The following PITPNC1 variants were observed in gnomAD, a reference collection of about 807,000 sequenced individuals.
The protein encoded by PITPNC1 is cytoplasmic phosphatidylinositol transfer protein 1.
PITPNC1 carries 18 observed loss-of-function variants against 44.7 expected under a neutral mutation model. That is an observed-to-expected ratio of 0.40 (90% confidence interval 0.28 to 0.60). The LOEUF is 0.60. PITPNC1 is among the 20% of genes least tolerant of loss of function. The probability of loss-of-function intolerance (pLI) is 0.39; values close to 1 mark genes in which losing one functional copy is unlikely to be tolerated. For missense variants in PITPNC1, 290 were observed against 418.4 expected (o/e 0.69, Z 2.68); for synonymous variants, 141 against 149.6 (o/e 0.94, Z 0.42).
At chr17:67,506,398 A>G (rs1344823434) in intron 1 of PITPNC1, among the ~76,000 whole-genome samples, 2 of 152,190 alleles carry the variant, frequency 1.3e-5, no homozygotes, top group Non-Finnish European at 2.9e-5. Flanking sequence ...TGCCCTAATC[A>G]TGAATTTCAG....
intron 1 of PITPNC1, chr17:67,379,061 C>T (rs1775027678): frequency 1.0e-6 from 1 of 985,604 alleles, no homozygotes; most frequent in Admixed American, 6.1e-5. Context: ...ATTATTCCGG[C>T]CCCGGCTTCC....
intron 5 of PITPNC1, among the ~76,000 whole-genome samples, chr17:67,622,514 CTT>C (rs1254933576): frequency 2.4e-4 from 28 of 118,930 alleles, no homozygotes; most frequent in Admixed American, 2.7e-4. Context: ...GTAGCCTGGA[CTT>C]TTTTTTTTTT....
In PITPNC1 at chr17:67,669,723, T is replaced by C. The variant is rs76225882; in HGVS notation, c.618+60T>C. The C allele has an allele frequency of 3.5e-3, 4,245 of 1,215,670 alleles. 116 individuals carry two copies. The African/African-American group carries it at 0.057, about 16-fold the overall frequency. The allele number at this position is 1,215,670 out of a possible 1,614,324, so 75.3% of individuals were successfully genotyped here. ...CAAGGTAACTGTCTATATTGCCAAATTGGAGTCCATGATACACAACAGGTG... is the reference window on the plus strand; with the variant it reads ...CAAGGTAACTGTCTATATTGCCAAACTGGAGTCCATGATACACAACAGGTG... On this transcript the variant is annotated intron_variant, in intron 7 of 8. Transcript: ENST00000581322.
At chr17:67,492,261 A>G (rs902795529) in intron 1 of PITPNC1, among the ~76,000 whole-genome samples, 3 of 152,156 alleles carry the variant, frequency 2.0e-5, no homozygotes, top group East Asian at 1.9e-4. Flanking sequence ...ACATAATTCA[A>G]TCAAGGATCT....
chr17:67,561,398 A>G (rs1022715931), intron 4 of PITPNC1, among the ~76,000 whole-genome samples: 6 of 151,960 alleles, frequency 3.9e-5, no homozygotes, highest in Non-Finnish European at 5.9e-5. Flanking sequence ...GGAGGTTGCA[A>G]TGAGCCGATA....
rs576346535 is a variant in PITPNC1, at chr17:67,462,183, C to CT, written c.49-70608dup. Among the ~76,000 whole-genome samples the CT allele has an allele frequency of 2.9e-3, 384 of 134,352 alleles. 2 individuals carry two copies. Among genetic ancestry groups the CT allele is most frequent in the African/African-American group, 4.6e-3 (167 of 36,550 alleles). 88.1% of individuals were successfully genotyped at this position (134,352 alleles called of 152,430 possible). The stretch of plus-strand genomic sequence containing the variant: ...TTGGGAGGAATGAACTTGCCTACAC[C>CT]TTTTTTTTTTTCTTTTCTTTTCTTT... On this transcript the variant is annotated intron_variant, in intron 1 of 8. Coordinates refer to ENST00000581322, the MANE Select transcript of PITPNC1 (RefSeq NM_012417.4).
intron 1 of PITPNC1, among the ~76,000 whole-genome samples, chr17:67,464,995 T>C (rs2039403012): frequency 1.3e-5 from 2 of 152,224 alleles, no homozygotes; most frequent in Non-Finnish European, 2.9e-5. Flanking sequence ...CGCCTTGGTC[T>C]CCCAAAGTGC....
rs112409803 is a variant in PITPNC1 at position 67,575,764 on chromosome 17, C to CCTTT, written c.295-2405_295-2402dup. On this transcript the variant is annotated intron_variant, in intron 4 of 8. Coordinates refer to ENST00000581322, the MANE Select transcript of PITPNC1 (RefSeq NM_012417.4). ...TTTAGTTGGTCTGCTGAAGAATTTG[C>CCTTT]CTTTCTTTCTTTCTTTCTTTTCTTT... 2.5e-3 allele frequency among the ~76,000 whole-genome samples: 329 copies of CCTTT among 133,508 alleles called. 1 individual carries two copies. Among genetic ancestry groups the CCTTT allele is most frequent in the East Asian group, 5.8e-3 (25 of 4,292 alleles). The allele number at this position is 133,508 out of a possible 152,430, so 87.6% of individuals were successfully genotyped here. A position where few individuals can be genotyped will look rare whatever the true frequency, so the allele number is the denominator to read the frequency against.
chr17:67,424,292 G>A (rs748468048), intron 1 of PITPNC1, among the ~76,000 whole-genome samples: 1 of 152,088 alleles, frequency 6.6e-6, no homozygotes, highest in Non-Finnish European at 1.5e-5. Context: ...GAGGGACTGT[G>A]ATGTAGGCAC....
At chr17:67,560,524 C>T (rs754410885) in intron 4 of PITPNC1, among the ~76,000 whole-genome samples, 2 of 152,170 alleles carry the variant, frequency 1.3e-5, no homozygotes, top group African/African-American at 2.4e-5. Context: ...TGGGTTTGTG[C>T]ATTTGGATTT....
At chr17:67,690,308 C>T (rs922889254) in intron 8 of PITPNC1, among the ~76,000 whole-genome samples, 5 of 151,908 alleles carry the variant, frequency 3.3e-5, no homozygotes, top group Non-Finnish European at 4.4e-5. Flanking sequence ...ATTAGCCGGG[C>T]GTGGTGGCAG....
At chr17:67,517,887 A>T (rs974906116) in intron 1 of PITPNC1, among the ~76,000 whole-genome samples, 2 of 152,274 alleles carry the variant, frequency 1.3e-5, no homozygotes, top group Middle Eastern at 3.4e-3. Context: ...TATTTTTTTT[A>T]AAAAAGTATG....
chr17:67,466,160 A>G (rs1319676684), intron 1 of PITPNC1, among the ~76,000 whole-genome samples: 2 of 122,928 alleles, frequency 1.6e-5, no homozygotes, highest in Admixed American at 1.0e-4. Context: ...GCCCAAATGC[A>G]TAACTAATTT....
chr17:67,552,491 G>A, intron 3 of PITPNC1, 146 bp downstream of exon 3: 1 of 613,180 alleles, frequency 1.6e-6, no homozygotes, highest in South Asian at 2.0e-5. Context: ...TTTCTTACTT[G>A]TAGGTTATCA....
At chr17:67,552,189 G>A (rs1295939476) in intron 2 of PITPNC1, 68 bp from the exon 3 acceptor site, 1 of 816,354 alleles carries the variant, frequency 1.2e-6, no homozygotes, top group Non-Finnish European at 2.2e-6. Context: ...ATTTTATCCA[G>A]AAAGATGTGG....
At chr17:67,510,565 G>T (rs1285881754) in intron 1 of PITPNC1, among the ~76,000 whole-genome samples, 1 of 152,150 alleles carries the variant, frequency 6.6e-6, no homozygotes, top group Non-Finnish European at 1.5e-5. Context: ...GCCTCCCAAA[G>T]TGCTGGGATT....
chr17:67,386,101 CCAAAG>C (rs1567970492), intron 1 of PITPNC1, among the ~76,000 whole-genome samples: 1 of 152,132 alleles, frequency 6.6e-6, no homozygotes, highest in African/African-American at 2.4e-5. Flanking sequence ...GACTGATACT[CCAAAG>C]CAAAGCGAGT....
chr17:67,650,544 G>A (rs1390821622), intron 6 of PITPNC1, among the ~76,000 whole-genome samples: 1 of 148,982 alleles, frequency 6.7e-6, no homozygotes, highest in Non-Finnish European at 1.5e-5. Flanking sequence ...TGCCTCTCGG[G>A]TTTAAGCGAT....
chr17:67,522,368 G>A (rs2040335847), intron 1 of PITPNC1, among the ~76,000 whole-genome samples: 1 of 151,874 alleles, frequency 6.6e-6, no homozygotes, highest in Admixed American at 6.6e-5. Context: ...CCCTGGCATG[G>A]CAGGAATCAG....
Sources: allele counts gnomAD v4.1 joint callset (sites outside exome capture counted in the v4.1 genomes callset), GRCh38; gene constraint gnomAD v4.1.1; transcripts MANE v1.5; gene names NCBI Gene and HGNC (gene_info 2026-07-23, HGNC 2026-07-21).